Variants in SLC25A21 observed in about 807,000 individuals in gnomAD.
SLC25A21 encodes the protein mitochondrial 2-oxodicarboxylate carrier.
In SLC25A21, 47 loss-of-function variants were observed where a neutral mutation model predicts 43.8. The observed-to-expected ratio is 1.07, with a 90% CI of 0.85 to 1.37. The LOEUF is 1.37. Among genes scored for constraint, SLC25A21 ranks in the 40% most tolerant of loss-of-function variants. SLC25A21 has a pLI of 0.00. For missense variants in SLC25A21, 352 were observed against 350.2 expected, an observed-to-expected ratio of 1.00 and a Z score of -0.04; for synonymous variants, 131 against 121.3, an observed-to-expected ratio of 1.08 and a Z score of -0.52.
intron 5 of SLC25A21, among the ~76,000 whole-genome samples, chr14:36,726,088 G>A (rs1417124883): frequency 2.0e-5 from 3 of 152,052 alleles, no homozygotes; most frequent in Non-Finnish European, 4.4e-5. Context: ...AGAAATCCAA[G>A]GAGCACAACC....
chr14:36,958,718 CAT>C lies in SLC25A21; in HGVS notation c.71-83716_71-83715del, dbSNP rs1167885846. On this transcript the variant is annotated intron_variant, in intron 1 of 9. Transcript: ENST00000331299. ...ACACACACACACACACACACACACACATGCAACAGAGCCAGAAGGGAGGGGGA... is the reference window on the plus strand; with the variant it reads ...ACACACACACACACACACACACACACGCAACAGAGCCAGAAGGGAGGGGGA... Among the ~76,000 whole-genome samples, 43 of 139,106 alleles carry C rather than the reference CAT, an allele frequency of 3.1e-4. 1 individual carries two copies. Among genetic ancestry groups the C allele is most frequent in the South Asian group, 2.2e-4 (1 of 4,568 alleles). The allele number at this position is 139,106 out of a possible 152,430, so 91.3% of individuals were successfully genotyped here.
At chr14:36,854,032 C>T (rs1308437571) in intron 2 of SLC25A21, among the ~76,000 whole-genome samples, 1 of 152,186 alleles carries the variant, frequency 6.6e-6, no homozygotes, top group African/African-American at 2.4e-5. Context: ...ACATTTAAAG[C>T]AATATTTAAA....
chr14:36,979,498 G>C (rs749522636), intron 1 of SLC25A21, among the ~76,000 whole-genome samples: 59 of 152,092 alleles, frequency 3.9e-4, no homozygotes, highest in Admixed American at 1.8e-3. Flanking sequence ...TGTGACTACC[G>C]GTGTGCGCTG....
At chr14:36,757,891 C>T (rs75323779) in intron 3 of SLC25A21, among the ~76,000 whole-genome samples, 1 of 152,196 alleles carries the variant, frequency 6.6e-6, no homozygotes, top group South Asian at 2.1e-4. Context: ...CTGAGTCACA[C>T]CAGTGCTAAA....
At chr14:37,014,241 C>T (rs1960796668) in intron 1 of SLC25A21, among the ~76,000 whole-genome samples, 1 of 152,118 alleles carries the variant, frequency 6.6e-6, no homozygotes, top group African/African-American at 2.4e-5. Flanking sequence ...TTTCTATTTT[C>T]TAATGCCTTT....
intron 1 of SLC25A21, among the ~76,000 whole-genome samples, chr14:37,046,821 CAATT>C (rs1361566144): frequency 6.6e-6 from 1 of 152,078 alleles, no homozygotes; most frequent in Non-Finnish European, 1.5e-5. Context: ...AACAAGAAAA[CAATT>C]AAAAGTGTGG....
At chr14:36,976,307 A>T (rs1180964388) in intron 1 of SLC25A21, among the ~76,000 whole-genome samples, 1 of 152,100 alleles carries the variant, frequency 6.6e-6, no homozygotes, top group Non-Finnish European at 1.5e-5. Flanking sequence ...ATAAGGCAAG[A>T]TCAGTACTGG....
intron 1 of SLC25A21, among the ~76,000 whole-genome samples, chr14:37,092,033 G>A (rs113305554): frequency 1.3e-5 from 2 of 152,182 alleles, no homozygotes; most frequent in African/African-American, 4.8e-5. Context: ...AGGCTGAGGT[G>A]GGGGGATCAT....
intron 2 of SLC25A21, among the ~76,000 whole-genome samples, chr14:36,849,591 C>G (rs1889658941): frequency 6.6e-6 from 1 of 152,162 alleles, no homozygotes; most frequent in African/African-American, 2.4e-5. Flanking sequence ...ATACAAATTT[C>G]TGAATTGTCT....
Position 36,816,495 on chromosome 14 carries a change from CTCTT to C in SLC25A21, c.120-2498_120-2495del, listed in dbSNP as rs1888459932. On this transcript the variant is annotated intron_variant, in intron 2 of 9. Transcript: ENST00000331299. ...AAAATGACACATTTAACATATTCTCCTCTTTTTTTTTTTTTTTTTTGAGACAGGG... is the reference window on the plus strand; with the variant it reads ...AAAATGACACATTTAACATATTCTCCTTTTTTTTTTTTTTTTGAGACAGGG... Among the ~76,000 whole-genome samples the C allele has an allele frequency of 2.1e-5, 3 of 140,618 alleles. No individual in the cohort carries two copies. In the South Asian group the frequency reaches 6.7e-4, roughly 31 times the overall value. 92.3% of individuals were successfully genotyped at this position (140,618 alleles called of 152,430 possible).
At chr14:36,692,392 ACC>A (rs1882828953) in intron 7 of SLC25A21, among the ~76,000 whole-genome samples, 1 of 152,208 alleles carries the variant, frequency 6.6e-6, no homozygotes, top group Non-Finnish European at 1.5e-5. Context: ...AGCTAATTTA[ACC>A]ATATAGTCCA....
At chr14:36,804,108 A>G (rs1409943072) in intron 3 of SLC25A21, among the ~76,000 whole-genome samples, 1 of 152,198 alleles carries the variant, frequency 6.6e-6, no homozygotes, top group Non-Finnish European at 1.5e-5. Context: ...AAACCTCTGC[A>G]TTCTTTGAGT....
chr14:36,947,008 T>A (rs879200147), intron 1 of SLC25A21, among the ~76,000 whole-genome samples: 4 of 152,178 alleles, frequency 2.6e-5, no homozygotes, highest in Admixed American at 2.6e-4. Context: ...TTCTATATCC[T>A]CCAGCTCTCC....
chr14:37,043,940 G>GTTTTTTTTTTTTTTTTTTTTTT (rs59081965), intron 1 of SLC25A21, among the ~76,000 whole-genome samples: 2 of 56,766 alleles, frequency 3.5e-5, no homozygotes, highest in Non-Finnish European at 7.3e-5. Context: ...ATGTTTTTTT[G>GTTTTTTTTTTTTTTTTTTTTTT]TTTTTTTTTT....
rs1004447162 is a variant in SLC25A21, at chr14:37,056,415, C to T, written c.70+115866G>A. 5.7e-4 allele frequency among the ~76,000 whole-genome samples: 85 copies of T among 150,262 alleles called. 1 individual carries two copies. The highest frequency in any genetic ancestry group is 4.9e-3 in the Admixed American group (73 of 15,020). ...TGAGGCAGGAGAATGGCGTGAACCCCGGGGGGCGGAGTGTGCAGTGAGCCG... is the reference window on the plus strand; with the variant it reads ...TGAGGCAGGAGAATGGCGTGAACCCTGGGGGGCGGAGTGTGCAGTGAGCCG... On this transcript the variant is annotated intron_variant, in intron 1 of 9. Transcript: ENST00000331299.
intron 3 of SLC25A21, among the ~76,000 whole-genome samples, chr14:36,771,608 T>C (rs1886621147): frequency 6.6e-6 from 1 of 152,152 alleles, no homozygotes; most frequent in Non-Finnish European, 1.5e-5. Context: ...ACTTGAACTC[T>C]CTAGAGAAGA....
At chr14:37,095,844 A>AC (rs1491253020) in intron 1 of SLC25A21, among the ~76,000 whole-genome samples, 3,820 of 12,382 alleles carry the variant, frequency 0.31, 184 homozygotes, top group African/African-American at 0.37. Context: ...ACACACACAC[A>AC]AAAAACACCT....
At chr14:37,161,239 G>A (rs1963935529) in intron 1 of SLC25A21, among the ~76,000 whole-genome samples, 1 of 152,032 alleles carries the variant, frequency 6.6e-6, no homozygotes, top group South Asian at 2.1e-4. Flanking sequence ...CAACTTTAAA[G>A]GGAAAAACTG....
At chr14:36,842,786 T>C (rs1370658293) in intron 2 of SLC25A21, among the ~76,000 whole-genome samples, 1 of 152,112 alleles carries the variant, frequency 6.6e-6, no homozygotes, top group Non-Finnish European at 1.5e-5. Context: ...CATGGCACTC[T>C]CATCCTGGTG....
Sources: allele counts gnomAD v4.1 joint callset (sites outside exome capture counted in the v4.1 genomes callset), GRCh38; gene constraint gnomAD v4.1.1; transcripts MANE v1.5; gene names NCBI Gene and HGNC (gene_info 2026-07-23, HGNC 2026-07-21).